The following FXYD2 variants were observed in gnomAD, a reference collection of about 807,000 sequenced individuals.
FXYD2 encodes the protein FXYD domain containing ion transport regulator 2, also known as sodium/potassium-transporting ATPase subunit gamma.
A neutral mutation model predicts 11.8 loss-of-function variants in FXYD2; 8 were observed. The ratio of observed to expected loss-of-function variants is 0.68; its 90% CI spans 0.40 to 1.22. FXYD2 has a LOEUF of 1.22. Among genes scored for constraint, FXYD2 ranks in the 50% most tolerant of loss-of-function variants. The probability of loss-of-function intolerance (pLI) is 0.01; values close to 1 mark genes in which losing one functional copy is unlikely to be tolerated. For synonymous variants in FXYD2, 42 were observed against 33.3 expected, an observed-to-expected ratio of 1.26 and a Z score of -0.90; for missense variants, 92 against 91.8, an observed-to-expected ratio of 1.00 and a Z score of -0.01.
rs991653163 is a variant in FXYD2, at chr11:117,822,927, CGA to C, written c.26-212_26-211del. Reference sequence around the variant, plus strand: ...ACACGCTCAACTGGGGACCAAATACCGAGTGTCCGAGGGGGATCCGTGCTGTC... The same window carrying C: ...ACACGCTCAACTGGGGACCAAATACCGTGTCCGAGGGGGATCCGTGCTGTC... On this transcript the variant is annotated intron_variant, in intron 1 of 5. Coordinates refer to ENST00000292079, the MANE Select transcript of FXYD2 (RefSeq NM_001680.5). The surrounding 1 kb of genome is among the most constrained non-coding windows in gnomAD (Gnocchi z 4.7). 1.2e-4 allele frequency among the ~76,000 whole-genome samples: 19 copies of C among 152,092 alleles called. No homozygotes were observed. The highest frequency in any genetic ancestry group is 4.6e-4 in the African/African-American group (19 of 41,424).
upstream of FXYD2, chr11:117,827,942 G>T: frequency 8.3e-7 from 1 of 1,205,632 alleles, no homozygotes; most frequent in Non-Finnish European, 1.2e-6. Flanking sequence ...GACGGGGCTG[G>T]CACCTGTGTT....
intron 3 of FXYD2, chr11:117,821,316 C>A: frequency 1.0e-6 from 1 of 976,816 alleles, no homozygotes; most frequent in Non-Finnish European, 1.2e-6. Flanking sequence ...CTGCCTTGGC[C>A]TCCTAATATG....
rs768603606 is a variant in FXYD2, at chr11:117,820,674, AC to A, written c.198del (p.Ter67AsnfsTer52). ...KKRRQINEDE[P>X] ...AGGCCCTCCTAGCATACCTGCTGTTACGGCTCATCTTCATTGATTTGCCTGG... is the reference window on the plus strand; with the variant it reads ...AGGCCCTCCTAGCATACCTGCTGTTAGGCTCATCTTCATTGATTTGCCTGG... On this transcript the variant is annotated frameshift_variant, in exon 5 of 6. Transcript: ENST00000292079. LOFTEE classifies it high-confidence loss of function. The A allele has an allele frequency of 6.2e-7, 1 of 1,613,904 alleles. No individual in the cohort carries two copies. Among genetic ancestry groups the A allele is most frequent in the African/African-American group, 1.3e-5 (1 of 74,982 alleles).
rs1271185571 is a variant in FXYD2, at chr11:117,822,812, C to T, written c.26-95G>A. 6.6e-7 allele frequency: 1 copy of T among 1,521,602 alleles called. No homozygotes were observed. Among genetic ancestry groups the T allele is most frequent in the African/African-American group, 1.4e-5 (1 of 73,566 alleles). 94.3% of individuals were successfully genotyped at this position (1,521,602 alleles called of 1,614,324 possible). On this transcript the variant is annotated intron_variant, in intron 1 of 5. Transcript: ENST00000292079. This position sits in a 1 kb window ranked among gnomAD's most constrained non-coding sequence, Gnocchi z 4.7. ...TCCCTGTCCTTCCCTTCCCAGAGGACCCTCGAGGGTCCAAGCAGGCGAGGG... is the reference window on the plus strand; with the variant it reads ...TCCCTGTCCTTCCCTTCCCAGAGGATCCTCGAGGGTCCAAGCAGGCGAGGG...
At chr11:117,825,480 G>A (rs2134107412), upstream of FXYD2, among the ~76,000 whole-genome samples, 1 of 152,256 alleles carries the variant, frequency 6.6e-6, no homozygotes. Flanking sequence ...CTTTCATCGT[G>A]GGGAAAACCC....
At chr11:117,827,303 G>A (rs546969162), upstream of FXYD2, among the ~76,000 whole-genome samples, 1 of 152,320 alleles carries the variant, frequency 6.6e-6, no homozygotes, top group African/African-American at 2.4e-5. Flanking sequence ...AGGCTGGAGT[G>A]CAATGGTGCG....
Position 117,820,675 on chromosome 11 carries a change from C to G in FXYD2, c.198G>C (p.Pro66=). Residue 66 remains proline (P), a synonymous_variant, in exon 5 of 6, where the codon CCG becomes CCC. Transcript: ENST00000292079. ...GGCCCTCCTAGCATACCTGCTGTTA[C>G]GGCTCATCTTCATTGATTTGCCTGG... ...KKRRQINEDE[P] 1.9e-6 allele frequency: 3 copies of G among 1,614,028 alleles called. No individual in the cohort carries two copies. The highest frequency in any genetic ancestry group is 1.7e-5 in the Admixed American group (1 of 60,014).
At chr11:117,821,622 C>G (rs950071717) in intron 3 of FXYD2, 32 of 985,934 alleles carry the variant, frequency 3.2e-5, no homozygotes, top group Admixed American at 6.1e-5. Flanking sequence ...CGGCACTGCC[C>G]TCCGGGAGCT....
chr11:117,822,581 T>C lies in FXYD2; in HGVS notation c.64+98A>G. On this transcript the variant is annotated intron_variant, in intron 2 of 5. Transcript: ENST00000292079. This position sits in a 1 kb window ranked among gnomAD's most constrained non-coding sequence, Gnocchi z 4.7. ...AGCAGCCCGTGGTAACCAGGGGAGA[T>C]AAGGGGCACAGAGCATGGACCTGGG... 1 of 1,568,322 alleles carries C rather than the reference T, an allele frequency of 6.4e-7. No homozygotes were observed. Among genetic ancestry groups the C allele is most frequent in the Non-Finnish European group, 8.6e-7 (1 of 1,156,424 alleles).
Position 117,822,424 on chromosome 11 carries a change from C to A in FXYD2, c.121G>T (p.Gly41Trp). The A allele has an allele frequency of 6.4e-7, 1 of 1,560,360 alleles. No individual in the cohort carries two copies. Among genetic ancestry groups the A allele is most frequent in the East Asian group, 2.4e-5 (1 of 42,158 alleles). The part of the protein sequence containing the change: ...LIFAGLAFIV[G>W]LLILLSRRFR... The stretch of plus-strand genomic sequence containing the variant: ...CACTTACTGAGGAGGATGAGGAGCC[C>A]CACGATGAAGGCCAGTCCAGCGAAG... The change falls in exon 3 of 6, where the codon GGG becomes TGG. Residue 41 changes from glycine (G) to tryptophan (W), a missense_variant. Transcript: ENST00000292079. The surrounding 1 kb of genome is among the most constrained non-coding windows in gnomAD (Gnocchi z 4.7).
chr11:117,827,028 G>A (rs188589025), upstream of FXYD2, among the ~76,000 whole-genome samples: 2 of 151,824 alleles, frequency 1.3e-5, no homozygotes, highest in Non-Finnish European at 2.9e-5. Flanking sequence ...CCCACTGCGG[G>A]GGGGAGGAGG....
intron 1 of FXYD2, among the ~76,000 whole-genome samples, chr11:117,823,778 G>A (rs1365538162): frequency 6.6e-6 from 1 of 152,210 alleles, no homozygotes; most frequent in Non-Finnish European, 1.5e-5. Context: ...TCCGGGCTGT[G>A]CCAAACTGTG....
rs1410592305 is a variant in FXYD2 at position 117,822,191 on chromosome 11, C to T, written c.139+215G>A. On this transcript the variant is annotated intron_variant, in intron 3 of 5. Coordinates refer to ENST00000292079, the MANE Select transcript of FXYD2 (RefSeq NM_001680.5). This position sits in a 1 kb window ranked among gnomAD's most constrained non-coding sequence, Gnocchi z 4.7. ...CTCACTTCTGCGGCTCCTCCCGGGCCCACTGGAGGGTGCACTTGAGCAAGC... is the reference window on the plus strand; with the variant it reads ...CTCACTTCTGCGGCTCCTCCCGGGCTCACTGGAGGGTGCACTTGAGCAAGC... 2.1e-6 allele frequency: 3 copies of T among 1,451,648 alleles called. No homozygotes were observed. Among genetic ancestry groups the T allele is most frequent in the Non-Finnish European group, 2.7e-6 (3 of 1,101,028 alleles). 89.9% of individuals were successfully genotyped at this position (1,451,648 alleles called of 1,614,324 possible).
chr11:117,820,530 G>A (rs979682575), intron 5 of FXYD2, 136 bp downstream of exon 5: 11 of 1,095,008 alleles, frequency 1.0e-5, no homozygotes, highest in African/African-American at 7.7e-5. Context: ...AACACACGAT[G>A]GGTGACAGAC....
chr11:117,823,896 G>C (rs554193844), intron 1 of FXYD2, among the ~76,000 whole-genome samples: 63 of 152,382 alleles, frequency 4.1e-4, no homozygotes, highest in African/African-American at 1.5e-3. Context: ...CCATCCTGAC[G>C]GGCCTGAGGT....
At chr11:117,820,429 A>AT (rs2055870103) in intron 5 of FXYD2, 57 bp from the exon 6 acceptor site, 6 of 578,384 alleles carry the variant, frequency 1.0e-5, no homozygotes, top group East Asian at 2.9e-5. Context: ...TTGGGGTTTT[A>AT]CTTCCCCCTT....
chr11:117,822,083 T>A lies in FXYD2; in HGVS notation c.139+323A>T. ...GGTGGGATCATCCCTATTTAACAAATGAGTTTGGGACCATGGTTAGCAGCG... is the reference window on the plus strand; with the variant it reads ...GGTGGGATCATCCCTATTTAACAAAAGAGTTTGGGACCATGGTTAGCAGCG... On this transcript the variant is annotated intron_variant, in intron 3 of 5. Coordinates refer to ENST00000292079, the MANE Select transcript of FXYD2 (RefSeq NM_001680.5). The surrounding 1 kb of genome is among the most constrained non-coding windows in gnomAD (Gnocchi z 4.7). 7.7e-7 allele frequency: 1 copy of A among 1,295,866 alleles called. No homozygotes were observed. Among genetic ancestry groups the A allele is most frequent in the Non-Finnish European group, 9.9e-7 (1 of 1,011,032 alleles). 80.3% of individuals were successfully genotyped at this position (1,295,866 alleles called of 1,614,324 possible).
Position 117,824,385 on chromosome 11 carries a change from C to G in FXYD2, c.25+269G>C. 1 of 584,072 alleles carries G rather than the reference C, an allele frequency of 1.7e-6. No homozygotes were observed. The highest frequency in any genetic ancestry group is 1.9e-5 in the South Asian group (1 of 51,364). The allele number at this position is 584,072 out of a possible 1,614,324, so 36.2% of individuals were successfully genotyped here. The stretch of plus-strand genomic sequence containing the variant: ...GCATTGAACTCAGGGCGGGTGTGTG[C>G]CAGGAGGCCGAGGAGGAACGCTCAG... On this transcript the variant is annotated intron_variant, in intron 1 of 5. Transcript: ENST00000292079. The surrounding 1 kb of genome is among the most constrained non-coding windows in gnomAD (Gnocchi z 4.0).
chr11:117,822,859 G>T lies in FXYD2; in HGVS notation c.26-142C>A. The stretch of plus-strand genomic sequence containing the variant: ...AGGGGAGGCTGGGAGCAGGGGTGTT[G>T]CTAAAACCATTGCCAGCAGGCTTCT... On this transcript the variant is annotated intron_variant, in intron 1 of 5. Coordinates refer to ENST00000292079, the MANE Select transcript of FXYD2 (RefSeq NM_001680.5). This position sits in a 1 kb window ranked among gnomAD's most constrained non-coding sequence, Gnocchi z 4.7. 8.5e-7 allele frequency: 1 copy of T among 1,175,290 alleles called. No individual in the cohort carries two copies. Among genetic ancestry groups the T allele is most frequent in the Non-Finnish European group, 1.2e-6 (1 of 821,750 alleles). The allele number at this position is 1,175,290 out of a possible 1,614,324, so 72.8% of individuals were successfully genotyped here.
Sources: allele counts gnomAD v4.1 joint callset (sites outside exome capture counted in the v4.1 genomes callset), GRCh38; gene constraint gnomAD v4.1.1; non-coding constraint Gnocchi (gnomAD v3.1); transcripts MANE v1.5; gene names NCBI Gene and HGNC (gene_info 2026-07-23, HGNC 2026-07-21).